ADAMTS18: variants seen among roughly 807,000 people sequenced by gnomAD.
ADAMTS18 encodes the protein ADAM metallopeptidase with thrombospondin type 1 motif 18.
A neutral mutation model predicts 165.9 loss-of-function variants in ADAMTS18; 157 were observed. That is an observed-to-expected ratio of 0.95 (90% CI 0.83 to 1.08). The LOEUF (loss-of-function observed/expected upper bound fraction) is 1.08, where lower values mean the gene tolerates loss of function less well. ADAMTS18 is among the 50% of genes least tolerant of loss of function. ADAMTS18 has a pLI of 0.00. For synonymous variants in ADAMTS18, 782 were observed against 578.2 expected, an observed-to-expected ratio of 1.35 and a Z score of -5.06; for missense variants, 2,040 against 1,534.0, an observed-to-expected ratio of 1.33 and a Z score of -5.51.
chr16:77,325,688 A>AAT (rs1555513043), intron 13 of ADAMTS18, among the ~76,000 whole-genome samples, 178 bp downstream of exon 13: 1 of 151,958 alleles, frequency 6.6e-6, no homozygotes, highest in Non-Finnish European at 1.5e-5. Context: ...GAAAAAAAAA[A>AAT]AAACAACAGT....
intron 22 of ADAMTS18, among the ~76,000 whole-genome samples, chr16:77,285,642 T>A (rs74025766): frequency 0.1 from 15,830 of 152,218 alleles, 1,030 homozygotes; most frequent in East Asian, 0.26. Context: ...AAGTGAGATG[T>A]ATTACTATTC....
intron 3 of ADAMTS18, among the ~76,000 whole-genome samples, chr16:77,378,696 C>T (rs1372326392): frequency 2.0e-5 from 3 of 152,014 alleles, no homozygotes; most frequent in East Asian, 1.9e-4. Context: ...ACCTGGGTGA[C>T]AGAGTGAAAC....
intron 10 of ADAMTS18, 42 bp from the exon 11 acceptor site, chr16:77,341,841 C>T: frequency 5.1e-6 from 7 of 1,362,318 alleles, no homozygotes; most frequent in Non-Finnish European, 7.3e-6. Context: ...TGGTGATATA[C>T]AATAAAAACA....
chr16:77,363,569 T>G (rs1435244214), intron 6 of ADAMTS18, among the ~76,000 whole-genome samples: 3 of 151,138 alleles, frequency 2.0e-5, no homozygotes, highest in African/African-American at 7.3e-5. Context: ...TGTACCATTA[T>G]TTATGTATAC....
chr16:77,302,907 T>C (rs2055612002), intron 16 of ADAMTS18, among the ~76,000 whole-genome samples: 1 of 152,180 alleles, frequency 6.6e-6, no homozygotes, highest in Non-Finnish European at 1.5e-5. Context: ...AAAAAGACTG[T>C]GATGATAAAA....
chr16:77,394,199 G>A (rs938941987), intron 3 of ADAMTS18, among the ~76,000 whole-genome samples: 2 of 152,084 alleles, frequency 1.3e-5, no homozygotes, highest in Non-Finnish European at 2.9e-5. Flanking sequence ...ATTTCCAAAG[G>A]GTTTTTAAAT....
intron 3 of ADAMTS18, among the ~76,000 whole-genome samples, chr16:77,422,662 T>C (rs1011791941): frequency 1.4e-5 from 2 of 147,666 alleles, no homozygotes; most frequent in African/African-American, 2.5e-5. Flanking sequence ...GAGGGAGGGA[T>C]AGAGGAAGGA....
intron 11 of ADAMTS18, among the ~76,000 whole-genome samples, chr16:77,338,652 T>A (rs1200932570): frequency 6.6e-6 from 1 of 151,908 alleles, no homozygotes; most frequent in Non-Finnish European, 1.5e-5. Context: ...CACATATTTC[T>A]AGATAAAAGT....
At chr16:77,300,472 C>A in intron 16 of ADAMTS18, 68 bp from the exon 17 acceptor site, 1 of 1,544,016 alleles carries the variant, frequency 6.5e-7, no homozygotes, top group Non-Finnish European at 8.9e-7. Flanking sequence ...AGAAATCTTA[C>A]TGAACATTTT....
chr16:77,388,378 G>T (rs2057139116), intron 3 of ADAMTS18, among the ~76,000 whole-genome samples: 1 of 152,166 alleles, frequency 6.6e-6, no homozygotes, highest in East Asian at 1.9e-4. Flanking sequence ...GGGGTTACAG[G>T]TATGAGCCAC....
intron 16 of ADAMTS18, among the ~76,000 whole-genome samples, chr16:77,308,474 A>G (rs1017627574): frequency 7.7e-6 from 1 of 130,428 alleles, no homozygotes; most frequent in Non-Finnish European, 1.7e-5. Flanking sequence ...GAAATGGGGG[A>G]AAAGGAAGAG....
intron 16 of ADAMTS18, among the ~76,000 whole-genome samples, chr16:77,304,879 C>A (rs1480589919): frequency 6.6e-6 from 1 of 152,166 alleles, no homozygotes; most frequent in Non-Finnish European, 1.5e-5. Context: ...ATTTCCTTAA[C>A]ATATTAATGC....
chr16:77,344,342 T>A (rs1269683209), intron 10 of ADAMTS18, among the ~76,000 whole-genome samples: 1 of 151,814 alleles, frequency 6.6e-6, no homozygotes, highest in Non-Finnish European at 1.5e-5. Context: ...CTAGAATATA[T>A]ACATATTCCC....
intron 3 of ADAMTS18, among the ~76,000 whole-genome samples, chr16:77,410,569 G>C (rs2057448938): frequency 6.6e-6 from 1 of 152,108 alleles, no homozygotes. Context: ...CTGAAGCCTA[G>C]AAACGGGAAA....
At chr16:77,333,360 G>A (rs2056221454) in intron 12 of ADAMTS18, among the ~76,000 whole-genome samples, 1 of 151,856 alleles carries the variant, frequency 6.6e-6, no homozygotes, top group South Asian at 2.1e-4. Flanking sequence ...ATGCACGTGG[G>A]GCTTAAAGCT....
At chr16:77,320,606 T>A (rs2055978810) in intron 15 of ADAMTS18, among the ~76,000 whole-genome samples, 1 of 149,184 alleles carries the variant, frequency 6.7e-6, no homozygotes, top group African/African-American at 2.5e-5. Context: ...ACTACTGCAC[T>A]CCAGCCTGGG....
In ADAMTS18 at chr16:77,359,384, C is replaced by G. The variant is rs375993147; in HGVS notation, c.1256G>C (p.Ser419Thr). 9.3e-6 allele frequency: 15 copies of G among 1,613,948 alleles called. No individual in the cohort carries two copies. The highest frequency in any genetic ancestry group is 1.3e-5 in the Non-Finnish European group (15 of 1,180,024). The change falls in exon 8 of 23, where the codon AGT becomes ACT. Residue 419 changes from serine to threonine, a missense_variant. Physicochemically the swap from Ser to Thr is moderately conservative, Grantham distance 58. Transcript: ENST00000282849. The stretch of plus-strand genomic sequence containing the variant: ...TCCTGTGTCCTCATTGATGGTACAA[C>G]TTCGGTACTTAGAGCACATTCCACT... ...PISGMCSKYRSCTINEDTGLG... is the reference protein window; with the variant it reads ...PISGMCSKYRTCTINEDTGLG...
chr16:77,386,795 G>A (rs983862221), intron 3 of ADAMTS18, among the ~76,000 whole-genome samples: 2 of 152,044 alleles, frequency 1.3e-5, no homozygotes, highest in Admixed American at 1.3e-4. Context: ...TTTTTCCTCA[G>A]TAATTACATT....
chr16:77,307,464 G>C (rs183856074), intron 16 of ADAMTS18, among the ~76,000 whole-genome samples: 1 of 152,264 alleles, frequency 6.6e-6, no homozygotes, highest in African/African-American at 2.4e-5. Context: ...TCAAAGGTGT[G>C]GGCTGACACA....
Sources: gnomAD v4.1 joint callset for allele counts (sites outside exome capture counted in the v4.1 genomes callset) on GRCh38, gnomAD v4.1.1 for gene constraint, MANE v1.5 for transcripts, NCBI Gene and HGNC (gene_info 2026-07-23, HGNC 2026-07-21) for gene names.